The following TCF7L1 variants were observed in gnomAD, a reference collection of about 807,000 sequenced individuals.
TCF7L1 encodes transcription factor 7-like 1.
Under a neutral mutation model 63.7 loss-of-function variants are expected in TCF7L1, and 18 were observed. That is an observed-to-expected ratio of 0.28 (90% confidence interval 0.20 to 0.42). The LOEUF (loss-of-function observed/expected upper bound fraction) is 0.42. Ranked by LOEUF, TCF7L1 falls within the 10% of genes least tolerant of loss-of-function variation. The pLI is 1.00. For missense variants in TCF7L1, 654 were observed against 779.3 expected, an observed-to-expected ratio of 0.84 and a Z score of 1.91; for synonymous variants, 355 against 340.9, an observed-to-expected ratio of 1.04 and a Z score of -0.46.
At position 85,304,248 on chromosome 2, in the gene TCF7L1, C is replaced by G. The variant is rs758733251; in HGVS notation, c.762-7C>G. On this transcript the variant is annotated splice_polypyrimidine_tract_variant and splice_region_variant and intron_variant, in intron 6 of 11. Coordinates refer to ENST00000282111, the MANE Select transcript of TCF7L1 (RefSeq NM_031283.3). ...AATATGCTGACCAGATTTCCTCCCC[C>G]TCACAGGCAAGGCCAGCCCATGTAC... 1.2e-5 allele frequency: 19 copies of G among 1,612,212 alleles called. No homozygotes were observed. The highest frequency in any genetic ancestry group is 6.7e-5 in the Admixed American group (4 of 59,846).
At chr2:85,184,925 A>C (rs556871849) in intron 3 of TCF7L1, among the ~76,000 whole-genome samples, 1 of 152,228 alleles carries the variant, frequency 6.6e-6, no homozygotes, top group Admixed American at 6.5e-5. Context: ...CTTAGCAGCC[A>C]ATCTGTTTTG....
At chr2:85,268,662 G>A (rs1005351442) in intron 3 of TCF7L1, among the ~76,000 whole-genome samples, 24 of 151,466 alleles carry the variant, frequency 1.6e-4, no homozygotes, top group African/African-American at 5.6e-4. Flanking sequence ...GGCTGGTGTC[G>A]AACTCCTGAC....
chr2:85,299,837 C>CAACAG (rs1681926179), intron 4 of TCF7L1, among the ~76,000 whole-genome samples: 1 of 71,216 alleles, frequency 1.4e-5, no homozygotes, highest in African/African-American at 6.2e-5. Flanking sequence ...CCAGCCTGGG[C>CAACAG]AACAGAGCGA....
At chr2:85,280,447 C>A (rs186183623) in intron 3 of TCF7L1, among the ~76,000 whole-genome samples, 1 of 152,208 alleles carries the variant, frequency 6.6e-6, no homozygotes, top group African/African-American at 2.4e-5. Flanking sequence ...TAGCACCATC[C>A]CAGACTAGGG....
chr2:85,258,573 C>A (rs1382542037), intron 3 of TCF7L1, among the ~76,000 whole-genome samples: 1 of 152,196 alleles, frequency 6.6e-6, no homozygotes, highest in African/African-American at 2.4e-5. Flanking sequence ...CATTCTGGTA[C>A]AGAACCCAGG....
At chr2:85,144,801 C>T (rs1677837893) in intron 3 of TCF7L1, among the ~76,000 whole-genome samples, 2 of 150,512 alleles carry the variant, frequency 1.3e-5, no homozygotes, top group South Asian at 4.2e-4. Context: ...TCATGAAACT[C>T]CACCGGGCAC....
chr2:85,200,139 G>T (rs1158798969), intron 3 of TCF7L1, among the ~76,000 whole-genome samples: 1 of 152,076 alleles, frequency 6.6e-6, no homozygotes, highest in Non-Finnish European at 1.5e-5. Flanking sequence ...CATTTTGTTT[G>T]TCGATTCATC....
At chr2:85,229,669 T>A (rs1026173573) in intron 3 of TCF7L1, among the ~76,000 whole-genome samples, 3 of 152,172 alleles carry the variant, frequency 2.0e-5, no homozygotes, top group African/African-American at 7.2e-5. Context: ...AAGATTTTTT[T>A]AAATTTTACT....
chr2:85,283,261 C>T (rs113777719), intron 3 of TCF7L1, among the ~76,000 whole-genome samples: 1,170 of 82,074 alleles, frequency 0.014, 27 homozygotes, highest in African/African-American at 0.07. Flanking sequence ...AGTTGTCATT[C>T]GTGTCCCCCC....
intron 3 of TCF7L1, among the ~76,000 whole-genome samples, chr2:85,145,655 C>A (rs1005122218): frequency 6.6e-6 from 1 of 152,166 alleles, no homozygotes; most frequent in Non-Finnish European, 1.5e-5. Flanking sequence ...GGAACCATCC[C>A]GCCCACCCAA....
chr2:85,246,893 G>C (rs905594061), intron 3 of TCF7L1, among the ~76,000 whole-genome samples: 2 of 152,202 alleles, frequency 1.3e-5, no homozygotes, highest in East Asian at 1.9e-4. Context: ...CTCTGTGCCT[G>C]ATGTCACCAT....
At chr2:85,183,463 C>T (rs1678850624) in intron 3 of TCF7L1, among the ~76,000 whole-genome samples, 1 of 152,158 alleles carries the variant, frequency 6.6e-6, no homozygotes, top group Non-Finnish European at 1.5e-5. Context: ...ATGGACTTTG[C>T]TTCTGACATT....
At chr2:85,305,472 G>C in intron 8 of TCF7L1, 69 bp downstream of exon 8, 1 of 1,527,436 alleles carries the variant, frequency 6.5e-7, no homozygotes, top group Non-Finnish European at 8.8e-7. Flanking sequence ...CACACTCTGA[G>C]CAGCAAATGT....
At chr2:85,251,402 G>A (rs1374748754) in intron 3 of TCF7L1, among the ~76,000 whole-genome samples, 3 of 152,178 alleles carry the variant, frequency 2.0e-5, no homozygotes, top group African/African-American at 7.2e-5. Context: ...TGCCTTTATT[G>A]TGTACAGTAT....
chr2:85,135,566 AG>A (rs1677573258), intron 3 of TCF7L1, among the ~76,000 whole-genome samples: 1 of 152,146 alleles, frequency 6.6e-6, no homozygotes, highest in South Asian at 2.1e-4. Context: ...CGATAATTAA[AG>A]GGTGCTAGAG....
chr2:85,255,818 G>A (rs1313860063), intron 3 of TCF7L1, among the ~76,000 whole-genome samples: 1 of 152,178 alleles, frequency 6.6e-6, no homozygotes, highest in Non-Finnish European at 1.5e-5. Flanking sequence ...AGCCGCCTGT[G>A]GTGATTCCTG....
chr2:85,173,799 C>T (rs1266585851), intron 3 of TCF7L1, among the ~76,000 whole-genome samples: 3 of 151,910 alleles, frequency 2.0e-5, no homozygotes, highest in Admixed American at 6.6e-5. Context: ...TGCAATGGCG[C>T]GATCTCGGCT....
At chr2:85,285,546 A>T (rs1681526032) in intron 4 of TCF7L1, among the ~76,000 whole-genome samples, 1 of 152,214 alleles carries the variant, frequency 6.6e-6, no homozygotes, top group African/African-American at 2.4e-5. Context: ...CCAAGGCACA[A>T]GCTGCTGTTG....
intron 3 of TCF7L1, among the ~76,000 whole-genome samples, chr2:85,166,175 G>A (rs1170235822): frequency 2.6e-5 from 4 of 152,232 alleles, no homozygotes; most frequent in Non-Finnish European, 5.9e-5. Context: ...GGGGCTGGAG[G>A]TAGAGATTTG....
Sources: allele counts gnomAD v4.1 joint callset (sites outside exome capture counted in the v4.1 genomes callset), GRCh38; gene constraint gnomAD v4.1.1; transcripts MANE v1.5; gene names NCBI Gene and HGNC (gene_info 2026-07-23, HGNC 2026-07-21).